The following ZNF736 variants were observed in gnomAD, a reference collection of about 807,000 sequenced individuals.
ZNF736 encodes the protein KRAB-containing zinc-finger repressor protein.
In ZNF736, 6 loss-of-function variants were observed where a neutral mutation model predicts 11.7. The observed-to-expected ratio is 0.51, with a 90% CI of 0.28 to 1.01. The LOEUF (loss-of-function observed/expected upper bound fraction) is 1.01. Ranked by LOEUF, ZNF736 falls within the 50% of genes least tolerant of loss-of-function variation. The pLI, the probability that ZNF736 is intolerant of heterozygous loss-of-function variation, is 0.09. For missense variants in ZNF736, 444 were observed against 496.0 expected (o/e 0.90, Z 1.00); for synonymous variants, 139 against 164.7 (o/e 0.84, Z 1.19).
At chr7:64,328,499 G>A (rs764069082) in intron 1 of ZNF736, among the ~76,000 whole-genome samples, 2 of 152,172 alleles carry the variant, frequency 1.3e-5, no homozygotes, top group Admixed American at 6.5e-5. Context: ...GGTGGCTCAC[G>A]CCTGTAATCC....
intron 1 of ZNF736, among the ~76,000 whole-genome samples, chr7:64,325,644 T>TA (rs1241726872): frequency 2.0e-5 from 3 of 152,208 alleles, no homozygotes; most frequent in South Asian, 2.1e-4. Flanking sequence ...AACTTGAAGA[T>TA]AAAAAAAGAC....
At chr7:64,345,910 A>G (rs1431497117) in intron 3 of ZNF736, among the ~76,000 whole-genome samples, 1 of 152,204 alleles carries the variant, frequency 6.6e-6, no homozygotes, top group Non-Finnish European at 1.5e-5. Flanking sequence ...TCATCCATCT[A>G]GGAAAATGTT....
intron 1 of ZNF736, among the ~76,000 whole-genome samples, chr7:64,322,840 A>G (rs1469483758): frequency 6.6e-6 from 1 of 152,210 alleles, no homozygotes; most frequent in African/African-American, 2.4e-5. Flanking sequence ...AACAGATTAG[A>G]TAATAGTTTA....
chr7:64,344,249 C>G (rs1483948741), intron 3 of ZNF736, among the ~76,000 whole-genome samples: 16 of 152,278 alleles, frequency 1.1e-4, no homozygotes, highest in Middle Eastern at 6.8e-3. Flanking sequence ...TTGCAGTGAG[C>G]CAAGACGGCA....
At chr7:64,323,680 A>T (rs1465027466) in intron 1 of ZNF736, among the ~76,000 whole-genome samples, 1 of 152,156 alleles carries the variant, frequency 6.6e-6, no homozygotes, top group Non-Finnish European at 1.5e-5. Flanking sequence ...AATAAGTGGA[A>T]GCTGAATGAT....
At chr7:64,331,511 G>A (rs1789165509) in intron 1 of ZNF736, among the ~76,000 whole-genome samples, 1 of 152,238 alleles carries the variant, frequency 6.6e-6, no homozygotes, top group Non-Finnish European at 1.5e-5. Flanking sequence ...CTAAAACTAG[G>A]TCCTGTGATC....
chr7:64,319,488 CCTTT>C (rs538091114), intron 1 of ZNF736, among the ~76,000 whole-genome samples: 17,718 of 74,694 alleles, frequency 0.24, 4,322 homozygotes, highest in African/African-American at 0.33. Context: ...ACATTTCTTC[CCTTT>C]TTTTTTTTTT....
intron 3 of ZNF736, among the ~76,000 whole-genome samples, chr7:64,343,692 AT>A (rs1200681219): frequency 6.6e-6 from 1 of 151,908 alleles, no homozygotes; most frequent in African/African-American, 2.4e-5. Flanking sequence ...TTTTTGGTTA[AT>A]TTTTTTTGTT....
rs1473788818 is a variant in ZNF736, at chr7:64,352,869, A to G, written c.*3722A>G. The stretch of plus-strand genomic sequence containing the variant: ...CCAGGGAGGTGCAGTGCTGCTACCA[A>G]TGGTTGGCTGGAATCTAAGCCAGTA... On this transcript the variant is annotated 3_prime_UTR_variant, in exon 4 of 4. Transcript: ENST00000423484. 1 of 152,254 alleles carries G rather than the reference A, an allele frequency of 6.6e-6. No individual in the cohort carries two copies. The highest frequency in any genetic ancestry group is 1.5e-5 in the Non-Finnish European group (1 of 68,088). 9.4% of individuals were successfully genotyped at this position (152,254 alleles called of 1,614,324 possible).
At position 64,354,412 on chromosome 7, in the gene ZNF736, G is replaced by A. The variant is rs556980271; in HGVS notation, c.*5265G>A. On this transcript the variant is annotated 3_prime_UTR_variant, in exon 4 of 4. Coordinates refer to ENST00000423484, the MANE Select transcript of ZNF736 (RefSeq NM_001170905.3). ...GAAAAGAAAAATATTAGAATGAACA[G>A]ATAATTTTACAAGTGTTGATCACTT... 6.6e-6 allele frequency: 1 copy of A among 152,272 alleles called. No homozygotes were observed. 9.4% of individuals were successfully genotyped at this position (152,272 alleles called of 1,614,324 possible). A position where few individuals can be genotyped will look rare whatever the true frequency, so the allele number is the denominator to read the frequency against.
intron 3 of ZNF736, among the ~76,000 whole-genome samples, chr7:64,338,942 G>A (rs186240760): frequency 1.9e-4 from 29 of 150,138 alleles, no homozygotes; most frequent in Middle Eastern, 3.2e-3. Context: ...AAAATTGTAC[G>A]TCACTAAAAT....
rs766420073 is a variant in ZNF736 at position 64,348,771 on chromosome 7, A to G, written c.908A>G (p.His303Arg). The G allele has an allele frequency of 3.6e-5, 57 of 1,591,608 alleles. No individual in the cohort carries two copies. Among genetic ancestry groups the G allele is most frequent in the Non-Finnish European group, 4.0e-5 (47 of 1,168,798 alleles). The change falls in exon 4 of 4, where the codon CAT becomes CGT. Residue 303 changes from histidine to arginine, a missense_variant. Physicochemically the swap from His to Arg is conservative, Grantham distance 29 (BLOSUM62 0). Transcript: ENST00000423484. ...AYRWFSDLAK[H>R]KIIHTGDKPY... The stretch of plus-strand genomic sequence containing the variant: ...AGGTGGTTCTCAGACCTTGCTAAAC[A>G]TAAGATAATTCATACTGGAGACAAA...
rs183534274 is a variant in ZNF736 at position 64,356,490 on chromosome 7, T to G, written c.*7343T>G. Among the ~76,000 whole-genome samples, 44 of 152,266 alleles carry G rather than the reference T, an allele frequency of 2.9e-4. No homozygotes were observed. The East Asian group carries it at 8.1e-3, about 28-fold the overall frequency. On this transcript the variant is annotated 3_prime_UTR_variant, in exon 4 of 4. Coordinates refer to ENST00000423484, the MANE Select transcript of ZNF736 (RefSeq NM_001170905.3). ...TATTTTTAAAAAAATCTATCAATTT[T>G]GAATTGCATACCTAGCTAAATTTTT...
At chr7:64,337,222 TG>T in intron 3 of ZNF736, 1 of 401,210 alleles carries the variant, frequency 2.5e-6, no homozygotes, top group Non-Finnish European at 4.4e-6. Flanking sequence ...TGTTTTGTTT[TG>T]TTTTTTGTTT....
At chr7:64,343,373 T>A (rs374999343) in intron 3 of ZNF736, among the ~76,000 whole-genome samples, 2 of 152,170 alleles carry the variant, frequency 1.3e-5, no homozygotes, top group South Asian at 4.1e-4. Flanking sequence ...TATACAAGGA[T>A]ATAAAAATGA....
chr7:64,344,614 A>G (rs1300433980), intron 3 of ZNF736, among the ~76,000 whole-genome samples: 1 of 152,204 alleles, frequency 6.6e-6, no homozygotes, highest in East Asian at 1.9e-4. Context: ...TATAATAGAT[A>G]TTAGAAGATT....
chr7:64,339,531 G>A (rs1227932147), intron 3 of ZNF736, among the ~76,000 whole-genome samples: 1 of 152,006 alleles, frequency 6.6e-6, no homozygotes, highest in South Asian at 2.1e-4. Flanking sequence ...CCCAAGTGTG[G>A]AAGAGACTAT....
At chr7:64,327,240 T>C (rs1789095112) in intron 1 of ZNF736, among the ~76,000 whole-genome samples, 1 of 152,214 alleles carries the variant, frequency 6.6e-6, no homozygotes, top group Non-Finnish European at 1.5e-5. Context: ...GCAGTTGTTG[T>C]ATTTTCTTGC....
intron 1 of ZNF736, among the ~76,000 whole-genome samples, chr7:64,334,847 T>G (rs1365113237): frequency 1.3e-5 from 2 of 152,204 alleles, no homozygotes; most frequent in African/African-American, 4.8e-5. Flanking sequence ...ATATGTTTAT[T>G]GCAGCACTAT....
Sources: gnomAD v4.1 joint callset for allele counts (sites outside exome capture counted in the v4.1 genomes callset) on GRCh38, gnomAD v4.1.1 for gene constraint, MANE v1.5 for transcripts, NCBI Gene and HGNC (gene_info 2026-07-23, HGNC 2026-07-21) for gene names.